The following NRXN1 variants were observed in gnomAD, a reference collection of about 807,000 sequenced individuals.
NRXN1 encodes the protein neurexin-1.
A neutral mutation model predicts 150.9 loss-of-function variants in NRXN1; 39 were observed. That is an observed-to-expected ratio of 0.26 (90% CI 0.20 to 0.34). The LOEUF is 0.34. Ranked by LOEUF, NRXN1 falls within the 10% of genes least tolerant of loss-of-function variation. NRXN1 has a pLI of 1.00. For missense variants in NRXN1, 1,815 were observed against 1,949.9 expected (o/e 0.93, Z 1.30); for synonymous variants, 924 against 757.0 (o/e 1.22, Z -3.62).
At chr2:49,923,547 G>T (rs1668582895) in intron 22 of NRXN1, among the ~76,000 whole-genome samples, 1 of 152,102 alleles carries the variant, frequency 6.6e-6, no homozygotes, top group South Asian at 2.1e-4. Context: ...GAAAACTCAA[G>T]AAGACTAAAA....
At chr2:50,600,712 A>G (rs1271575893) in intron 8 of NRXN1, among the ~76,000 whole-genome samples, 2 of 152,228 alleles carry the variant, frequency 1.3e-5, no homozygotes, top group African/African-American at 4.8e-5. Context: ...TTTACTTAGA[A>G]GTTTCTACAG....
intron 18 of NRXN1, among the ~76,000 whole-genome samples, chr2:50,163,739 T>C (rs1040324136): frequency 9.2e-5 from 14 of 152,170 alleles, no homozygotes; most frequent in Non-Finnish European, 2.1e-4. Flanking sequence ...TCTTGACGTG[T>C]GTTAACATAT....
At chr2:50,245,095 A>G (rs1400836043) in intron 17 of NRXN1, among the ~76,000 whole-genome samples, 3 of 151,952 alleles carry the variant, frequency 2.0e-5, no homozygotes, top group Non-Finnish European at 2.9e-5. Flanking sequence ...TTCTTTTACA[A>G]TCTACTTATT....
At position 50,631,041 on chromosome 2, in the gene NRXN1, C is replaced by T. The variant is rs189234316; in HGVS notation, c.833-7426G>A. Reference sequence around the variant, plus strand: ...AAATTTACTATTATCTTATTTGCCACGAACTGTGTAACTGAGAAATTAAAA... The same window carrying T: ...AAATTTACTATTATCTTATTTGCCATGAACTGTGTAACTGAGAAATTAAAA... On this transcript the variant is annotated intron_variant, in intron 5 of 22. Coordinates refer to ENST00000401669, the MANE Select transcript of NRXN1 (RefSeq NM_001330078.2). 11 of 418,254 alleles carry T rather than the reference C, an allele frequency of 2.6e-5. No individual in the cohort carries two copies. The East Asian group carries it at 4.3e-4, about 16-fold the overall frequency. 25.9% of individuals were successfully genotyped at this position (418,254 alleles called of 1,614,324 possible). A position where few individuals can be genotyped will look rare whatever the true frequency, so the allele number is the denominator to read the frequency against.
intron 15 of NRXN1, among the ~76,000 whole-genome samples, chr2:50,473,074 T>C (rs1215503798): frequency 6.6e-6 from 1 of 151,876 alleles, no homozygotes; most frequent in African/African-American, 2.4e-5. Flanking sequence ...GTATCTAAAG[T>C]CACTTCTATA....
At chr2:50,602,305 G>A (rs1376894791) in intron 8 of NRXN1, among the ~76,000 whole-genome samples, 1 of 151,866 alleles carries the variant, frequency 6.6e-6, no homozygotes, top group Non-Finnish European at 1.5e-5. Context: ...AAAAAAGAGG[G>A]TAGAGATCTC....
At chr2:50,562,679 G>C (rs1390208809) in intron 8 of NRXN1, among the ~76,000 whole-genome samples, 2 of 152,094 alleles carry the variant, frequency 1.3e-5, no homozygotes, top group Non-Finnish European at 2.9e-5. Context: ...ATTTGAACCA[G>C]CACATTTTTT....
intron 17 of NRXN1, among the ~76,000 whole-genome samples, chr2:50,400,471 T>A (rs2082322521): frequency 6.6e-6 from 1 of 152,120 alleles, no homozygotes; most frequent in Admixed American, 6.6e-5. Context: ...AATACTTAGA[T>A]TTCTGATTGT....
intron 2 of NRXN1, among the ~76,000 whole-genome samples, chr2:50,993,852 T>C (rs982534076): frequency 2.6e-5 from 4 of 151,994 alleles, no homozygotes; most frequent in Non-Finnish European, 4.4e-5. Flanking sequence ...GAAAGGTTGA[T>C]GATTATGCTG....
At chr2:50,580,239 T>C (rs1672048532) in intron 8 of NRXN1, among the ~76,000 whole-genome samples, 2 of 152,166 alleles carry the variant, frequency 1.3e-5, no homozygotes, top group Admixed American at 6.5e-5. Flanking sequence ...TGTCATCCAA[T>C]GTATGATGCT....
intron 5 of NRXN1, among the ~76,000 whole-genome samples, chr2:50,808,122 T>C (rs1295116189): frequency 3.3e-5 from 5 of 152,042 alleles, no homozygotes; most frequent in Admixed American, 2.0e-4. Flanking sequence ...GGTAAGGTAG[T>C]GTTTAGGATT....
intron 18 of NRXN1, among the ~76,000 whole-genome samples, chr2:50,168,293 T>A (rs1000803479): frequency 6.6e-6 from 1 of 152,154 alleles, no homozygotes. Context: ...CAGTAGCATA[T>A]TTTAGCAATA....
At chr2:50,486,607 G>A (rs548222245) in intron 15 of NRXN1, among the ~76,000 whole-genome samples, 1 of 152,268 alleles carries the variant, frequency 6.6e-6, no homozygotes, top group South Asian at 2.1e-4. Flanking sequence ...ACTCTAAGGG[G>A]AAGCCAGTGG....
chr2:50,214,011 CA>C (rs1342699920), intron 18 of NRXN1, among the ~76,000 whole-genome samples: 1 of 151,884 alleles, frequency 6.6e-6, no homozygotes, highest in African/African-American at 2.4e-5. Flanking sequence ...TAAATTGTAA[CA>C]GTTTATTTAG....
rs372268110 is a variant in NRXN1, at chr2:50,495,713, TA to T, written c.3070+191del. 1.8e-3 allele frequency among the ~76,000 whole-genome samples: 267 copies of T among 152,246 alleles called. 1 individual carries two copies. The highest frequency in any genetic ancestry group is 6.2e-3 in the African/African-American group (258 of 41,530). On this transcript the variant is annotated intron_variant, in intron 15 of 22. Transcript: ENST00000401669. The stretch of plus-strand genomic sequence containing the variant: ...GGTGCTGCATTTTTTGAGCTGTTAT[TA>T]AAAATACATAGGTTCCTACCACATT...
rs56398521 is a variant in NRXN1 at position 50,704,988 on chromosome 2, G to T, written c.833-81373C>A. ...CAAGAAGTAAAATTACTTGCCTAAAGTTATGCAGCTTAATAACTTACGAAT... is the reference window on the plus strand; with the variant it reads ...CAAGAAGTAAAATTACTTGCCTAAATTTATGCAGCTTAATAACTTACGAAT... On this transcript the variant is annotated intron_variant, in intron 5 of 22. Transcript: ENST00000401669. Among the ~76,000 whole-genome samples, 1,263 of 151,610 alleles carry T rather than the reference G, an allele frequency of 8.3e-3. 25 individuals carry two copies. The highest frequency in any genetic ancestry group is 0.029 in the African/African-American group (1,194 of 41,318).
chr2:50,458,742 G>C (rs1028401545), intron 17 of NRXN1, among the ~76,000 whole-genome samples: 1 of 152,008 alleles, frequency 6.6e-6, no homozygotes, highest in Non-Finnish European at 1.5e-5. Flanking sequence ...ACCAGGCCCA[G>C]CTAATTTTTT....
chr2:50,071,008 A>G lies in NRXN1; in HGVS notation c.3719-15964T>C, dbSNP rs1696213843. 2.6e-5 allele frequency among the ~76,000 whole-genome samples: 4 copies of G among 152,334 alleles called. No homozygotes were observed. In the South Asian group the frequency reaches 8.3e-4, roughly 32 times the overall value. ...AAATGCAGAACAGAATGAAGACAAG[A>G]TAAAAACTACAAAGATATCCTATCA... On this transcript the variant is annotated intron_variant, in intron 19 of 22. Coordinates refer to ENST00000401669, the MANE Select transcript of NRXN1 (RefSeq NM_001330078.2).
chr2:50,556,006 T>A (rs1363143633), intron 8 of NRXN1, among the ~76,000 whole-genome samples: 1 of 152,122 alleles, frequency 6.6e-6, no homozygotes, highest in African/African-American at 2.4e-5. Flanking sequence ...TATCTCCAGA[T>A]ACAAGAACTC....
Sources: gnomAD v4.1 joint callset for allele counts (sites outside exome capture counted in the v4.1 genomes callset) on GRCh38, gnomAD v4.1.1 for gene constraint, MANE v1.5 for transcripts, NCBI Gene and HGNC (gene_info 2026-07-23, HGNC 2026-07-21) for gene names.